The following LRMDA variants were observed in gnomAD, a reference collection of about 807,000 sequenced individuals.
The protein encoded by LRMDA is leucine rich melanocyte differentiation associated.
A neutral mutation model predicts 29.8 loss-of-function variants in LRMDA; 18 were observed. The ratio of observed to expected loss-of-function variants is 0.60; its 90% CI spans 0.42 to 0.90. LRMDA has a LOEUF of 0.90. Among genes scored for constraint, LRMDA ranks in the 40% least tolerant of loss-of-function variants. LRMDA has a pLI of 0.00. For missense variants in LRMDA, 273 were observed against 273.9 expected (o/e 1.00, Z 0.02); for synonymous variants, 125 against 109.4 (o/e 1.14, Z -0.89).
chr10:75,826,681 T>C (rs1240585029), intron 2 of LRMDA, among the ~76,000 whole-genome samples: 1 of 152,198 alleles, frequency 6.6e-6, no homozygotes, highest in Non-Finnish European at 1.5e-5. Flanking sequence ...CCCAGTGCAT[T>C]TGTGGCATAT....
At chr10:75,991,154 T>A (rs1323081) in intron 2 of LRMDA, among the ~76,000 whole-genome samples, 103,816 of 152,038 alleles carry the variant, frequency 0.68, 35,469 homozygotes, top group Middle Eastern at 0.73. Flanking sequence ...GATTGGAAAA[T>A]ACATATACAT....
At chr10:76,453,533 A>T (rs527933629) in intron 6 of LRMDA, among the ~76,000 whole-genome samples, 2 of 152,374 alleles carry the variant, frequency 1.3e-5, no homozygotes, top group South Asian at 4.1e-4. Flanking sequence ...GAACAAAACC[A>T]GGGCACATTT....
intron 2 of LRMDA, among the ~76,000 whole-genome samples, chr10:75,625,817 T>C (rs545585934): frequency 6.6e-6 from 1 of 152,288 alleles, no homozygotes; most frequent in South Asian, 2.1e-4. Context: ...TCCATGTTTT[T>C]CTTTATTACA....
At chr10:76,175,330 T>C (rs993770259) in intron 5 of LRMDA, among the ~76,000 whole-genome samples, 1 of 152,214 alleles carries the variant, frequency 6.6e-6, no homozygotes, top group African/African-American at 2.4e-5. Flanking sequence ...CCTTGCCTAG[T>C]TTCCTAGTCT....
chr10:76,489,990 C>A (rs1230106572), intron 6 of LRMDA, among the ~76,000 whole-genome samples: 1 of 151,842 alleles, frequency 6.6e-6, no homozygotes, highest in African/African-American at 2.4e-5. Flanking sequence ...ATTACCCAGT[C>A]TCAGGTATTC....
intron 6 of LRMDA, among the ~76,000 whole-genome samples, chr10:76,429,048 A>T (rs1323865042): frequency 6.6e-6 from 1 of 151,970 alleles, no homozygotes; most frequent in Non-Finnish European, 1.5e-5. Flanking sequence ...ACAAACACAC[A>T]CACACACACA....
At position 75,946,111 on chromosome 10, in the gene LRMDA, G is replaced by A. The variant is rs1846471475; in HGVS notation, c.132-89897G>A. On this transcript the variant is annotated intron_variant, in intron 2 of 6. Coordinates refer to ENST00000611255, the MANE Select transcript of LRMDA (RefSeq NM_001305581.2). The stretch of plus-strand genomic sequence containing the variant: ...AGTGGGAAAGCAGTAAGACCAGCTG[G>A]AGAAGGAGCACCATCGTGGGCCATT... Among the ~76,000 whole-genome samples the A allele has an allele frequency of 1.3e-5, 2 of 152,204 alleles. 1 individual carries two copies. The highest frequency in any genetic ancestry group is 4.1e-4 in the South Asian group (2 of 4,824).
intron 2 of LRMDA, among the ~76,000 whole-genome samples, chr10:75,679,870 T>C (rs912883394): frequency 6.6e-6 from 1 of 152,166 alleles, no homozygotes; most frequent in African/African-American, 2.4e-5. Context: ...TTGCGTGTTG[T>C]GTTATTTGGA....
chr10:76,328,378 T>C (rs761419575), intron 6 of LRMDA, among the ~76,000 whole-genome samples: 1 of 152,236 alleles, frequency 6.6e-6, no homozygotes, highest in Non-Finnish European at 1.5e-5. Context: ...ATTTAGAATG[T>C]AAACTATATC....
chr10:75,772,758 T>G (rs1302908331), intron 2 of LRMDA, among the ~76,000 whole-genome samples: 1 of 151,366 alleles, frequency 6.6e-6, no homozygotes, highest in East Asian at 2.0e-4. Flanking sequence ...TATCCTGTCA[T>G]TTCTAGTTAG....
chr10:76,221,484 A>G (rs1851834793), intron 5 of LRMDA, among the ~76,000 whole-genome samples: 1 of 152,266 alleles, frequency 6.6e-6, no homozygotes. Context: ...AATAACAGAC[A>G]GAGAGCTAAA....
At chr10:75,660,367 G>A (rs527696014) in intron 2 of LRMDA, among the ~76,000 whole-genome samples, 36 of 152,172 alleles carry the variant, frequency 2.4e-4, no homozygotes, top group Non-Finnish European at 4.7e-4. Context: ...GATATGGATT[G>A]TAAAAGAACA....
At chr10:76,157,095 G>T (rs1850551537) in intron 5 of LRMDA, among the ~76,000 whole-genome samples, 1 of 152,114 alleles carries the variant, frequency 6.6e-6, no homozygotes, top group African/African-American at 2.4e-5. Flanking sequence ...TCCTACATGG[G>T]GAAGACTAGG....
chr10:75,448,172 G>A (rs1288952596), intron 2 of LRMDA, among the ~76,000 whole-genome samples: 1 of 152,198 alleles, frequency 6.6e-6, no homozygotes, highest in Non-Finnish European at 1.5e-5. Flanking sequence ...TTTAGAAAGT[G>A]CTTTCATAAA....
At chr10:76,144,601 G>A (rs759984611) in intron 5 of LRMDA, among the ~76,000 whole-genome samples, 17 of 152,128 alleles carry the variant, frequency 1.1e-4, no homozygotes, top group Non-Finnish European at 1.9e-4. Flanking sequence ...GGCTGAGACA[G>A]TGGGGTTTTC....
At chr10:75,844,095 T>C (rs1044134721) in intron 2 of LRMDA, among the ~76,000 whole-genome samples, 6 of 152,142 alleles carry the variant, frequency 3.9e-5, no homozygotes, top group African/African-American at 1.4e-4. Flanking sequence ...GGCCTGATGG[T>C]GCTGAGATAA....
chr10:76,449,918 A>G (rs1459359027), intron 6 of LRMDA, among the ~76,000 whole-genome samples: 1 of 152,022 alleles, frequency 6.6e-6, no homozygotes, highest in Non-Finnish European at 1.5e-5. Context: ...TTAAAAATAT[A>G]TGACTTTTCC....
rs558218347 is a variant in LRMDA at position 76,349,552 on chromosome 10, T to A, written c.601+25067T>A. Among the ~76,000 whole-genome samples the A allele has an allele frequency of 2.0e-5, 3 of 152,254 alleles. No individual in the cohort carries two copies. The South Asian group carries it at 6.2e-4, about 32-fold the overall frequency. On this transcript the variant is annotated intron_variant, in intron 6 of 6. Coordinates refer to ENST00000611255, the MANE Select transcript of LRMDA (RefSeq NM_001305581.2). ...TGATATAAACGCTGCACTTCCTGGTTATTTGGGATAAACAGTTTTTTCAAA... is the reference window on the plus strand; with the variant it reads ...TGATATAAACGCTGCACTTCCTGGTAATTTGGGATAAACAGTTTTTTCAAA...
chr10:75,563,948 G>A (rs1840335394), intron 2 of LRMDA, among the ~76,000 whole-genome samples: 2 of 152,196 alleles, frequency 1.3e-5, no homozygotes, highest in South Asian at 4.1e-4. Context: ...CTACTGGAAG[G>A]TGCCTCCCAG....
Sources: allele counts gnomAD v4.1 joint callset (sites outside exome capture counted in the v4.1 genomes callset), GRCh38; gene constraint gnomAD v4.1.1; transcripts MANE v1.5; gene names NCBI Gene and HGNC (gene_info 2026-07-23, HGNC 2026-07-21).